The following RPA3 variants were observed in gnomAD, a reference collection of about 807,000 sequenced individuals.
RPA3 encodes the protein replication protein A 14 kDa subunit.
A neutral mutation model predicts 13.7 loss-of-function variants in RPA3; 24 were observed. The observed-to-expected ratio is 1.75, with a 90% CI of 1.27 to 2.46. The LOEUF is 2.46. Among genes scored for constraint, RPA3 ranks in the 30% most tolerant of loss-of-function variants. RPA3 has a pLI of 0.00. For missense variants in RPA3, 183 were observed against 151.0 expected, an observed-to-expected ratio of 1.21 and a Z score of -1.11; for synonymous variants, 59 against 51.2, an observed-to-expected ratio of 1.15 and a Z score of -0.65.
At chr7:7,718,148 T>A (rs1780964494) in intron 1 of RPA3, among the ~76,000 whole-genome samples, 1 of 152,216 alleles carries the variant, frequency 6.6e-6, no homozygotes, top group African/African-American at 2.4e-5. Context: ...AAACTGGTAT[T>A]AATTTGGGAA....
In RPA3 at chr7:7,698,114, A is replaced by G. The variant is rs114919479; in HGVS notation, c.-1027-10786T>C. On this transcript the variant is annotated intron_variant, in intron 2 of 7. Transcript: ENST00000223129. The stretch of plus-strand genomic sequence containing the variant: ...ATCAAATACTTACTAAATGCCCATG[A>G]GTTAGACACTGTGCTGACAGGCACT... Among the ~76,000 whole-genome samples, 367 of 152,334 alleles carry G rather than the reference A, an allele frequency of 2.4e-3. 2 individuals carry two copies. Among genetic ancestry groups the G allele is most frequent in the African/African-American group, 8.5e-3 (354 of 41,580 alleles).
In RPA3 at chr7:7,677,683, T is replaced by G. The variant is rs1411670181; in HGVS notation, c.-758+8147A>C. 9.0e-3 allele frequency among the ~76,000 whole-genome samples: 1,267 copies of G among 140,510 alleles called. 41 individuals are homozygous for G. The highest frequency in any genetic ancestry group is 0.03 in the African/African-American group (1,127 of 37,128). The allele number at this position is 140,510 out of a possible 152,430, so 92.2% of individuals were successfully genotyped here. A position where few individuals can be genotyped will look rare whatever the true frequency, so the allele number is the denominator to read the frequency against. On this transcript the variant is annotated intron_variant, in intron 4 of 7. Coordinates refer to ENST00000223129, the MANE Select transcript of RPA3 (RefSeq NM_002947.5). ...TTTTTTGTTTTTTTTTTTTTTTTTTTTTTTTTTTGAGACGGAGTCTCGCTC... is the reference window on the plus strand; with the variant it reads ...TTTTTTGTTTTTTTTTTTTTTTTTTGTTTTTTTTGAGACGGAGTCTCGCTC...
At chr7:7,670,493 C>T (rs973965635) in intron 4 of RPA3, among the ~76,000 whole-genome samples, 3 of 152,120 alleles carry the variant, frequency 2.0e-5, no homozygotes, top group African/African-American at 7.2e-5. Flanking sequence ...GGTAAACAGC[C>T]CTAACGATTC....
chr7:7,709,692 G>A (rs1293666355), intron 2 of RPA3, among the ~76,000 whole-genome samples: 1 of 152,158 alleles, frequency 6.6e-6, no homozygotes, highest in Non-Finnish European at 1.5e-5. Flanking sequence ...TTTACCTGCT[G>A]AGGGTAAGAT....
chr7:7,654,217 A>C (rs1785290587), intron 4 of RPA3, among the ~76,000 whole-genome samples: 1 of 152,246 alleles, frequency 6.6e-6, no homozygotes, highest in Non-Finnish European at 1.5e-5. Context: ...TCTCTAGTAG[A>C]TACTTTGAGG....
At chr7:7,662,427 C>T (rs931264253) in intron 4 of RPA3, among the ~76,000 whole-genome samples, 3 of 152,182 alleles carry the variant, frequency 2.0e-5, no homozygotes, top group Non-Finnish European at 2.9e-5. Context: ...GTGCTTAAAA[C>T]CCAGGTCCGT....
At chr7:7,698,000 C>G (rs1187849946) in intron 2 of RPA3, among the ~76,000 whole-genome samples, 1 of 152,142 alleles carries the variant, frequency 6.6e-6, no homozygotes, top group Non-Finnish European at 1.5e-5. Flanking sequence ...GACCCCACTA[C>G]TCATTTGATT....
intron 4 of RPA3, among the ~76,000 whole-genome samples, chr7:7,643,751 A>G (rs1278569322): frequency 7.7e-6 from 1 of 130,592 alleles, no homozygotes; most frequent in Non-Finnish European, 1.6e-5. Context: ...AAAAGGATCA[A>G]CGGTTAAATC....
chr7:7,636,824 A>G lies in RPA3; in HGVS notation c.*176T>C. On this transcript the variant is annotated 3_prime_UTR_variant, in exon 8 of 8. Coordinates refer to ENST00000223129, the MANE Select transcript of RPA3 (RefSeq NM_002947.5). Reference sequence around the variant, plus strand: ...TATTGGAGTAGCAATTCTTTATAAAAGGACTTCGGTGAGAACTGTCAATAT... The same window carrying G: ...TATTGGAGTAGCAATTCTTTATAAAGGGACTTCGGTGAGAACTGTCAATAT... The G allele has an allele frequency of 8.9e-6, 5 of 561,504 alleles. No homozygotes were observed. The highest frequency in any genetic ancestry group is 1.3e-5 in the Non-Finnish European group (4 of 318,850). The allele number at this position is 561,504 out of a possible 1,614,324, so 34.8% of individuals were successfully genotyped here. A position where few individuals can be genotyped will look rare whatever the true frequency, so the allele number is the denominator to read the frequency against.
intron 4 of RPA3, among the ~76,000 whole-genome samples, chr7:7,670,632 C>T (rs1481068510): frequency 6.6e-6 from 1 of 152,200 alleles, no homozygotes; most frequent in Non-Finnish European, 1.5e-5. Flanking sequence ...GCTCAAAGTT[C>T]AGTGCCTCTG....
At chr7:7,712,062 G>T (rs750123786) in intron 2 of RPA3, among the ~76,000 whole-genome samples, 1 of 151,664 alleles carries the variant, frequency 6.6e-6, no homozygotes, top group Non-Finnish European at 1.5e-5. Flanking sequence ...TAGTATCTTT[G>T]GTTCTCCTAC....
chr7:7,644,633 C>T (rs1482950106), intron 4 of RPA3, among the ~76,000 whole-genome samples: 3 of 152,112 alleles, frequency 2.0e-5, no homozygotes, highest in Non-Finnish European at 4.4e-5. Context: ...ACTGTATCAC[C>T]TTTTTGCCAC....
intron 2 of RPA3, among the ~76,000 whole-genome samples, chr7:7,703,755 C>T (rs114324949): frequency 0.018 from 2,810 of 152,150 alleles, 85 homozygotes; most frequent in African/African-American, 0.065. Flanking sequence ...GCCTGGGCAA[C>T]GTGGCGAAAC....
At chr7:7,639,000 C>T (rs561714133) in intron 6 of RPA3, 70 bp downstream of exon 6, 11 of 1,231,270 alleles carry the variant, frequency 8.9e-6, no homozygotes, top group Admixed American at 5.3e-5. Context: ...TTAGAAACAT[C>T]GGCAACAAAC....
intron 2 of RPA3, among the ~76,000 whole-genome samples, chr7:7,698,557 T>C (rs1034932652): frequency 2.0e-5 from 3 of 151,352 alleles, no homozygotes; most frequent in Non-Finnish European, 4.4e-5. Context: ...TTTTCTTTTC[T>C]TTTTTTTTGT....
intron 4 of RPA3, among the ~76,000 whole-genome samples, chr7:7,649,262 C>G (rs952473023): frequency 1.3e-5 from 2 of 151,878 alleles, no homozygotes; most frequent in Non-Finnish European, 2.9e-5. Flanking sequence ...GGACCCACAT[C>G]TGGCAGGGGC....
chr7:7,671,924 C>A (rs1055401047), intron 4 of RPA3, among the ~76,000 whole-genome samples: 1 of 152,022 alleles, frequency 6.6e-6, no homozygotes, highest in Non-Finnish European at 1.5e-5. Flanking sequence ...TTTTCTTCTC[C>A]ATTTTGAATT....
At position 7,640,637 on chromosome 7, in the gene RPA3, G is replaced by C. The variant is rs563363590; in HGVS notation, c.-219C>G. 28 of 553,870 alleles carry C rather than the reference G, an allele frequency of 5.1e-5. No individual in the cohort carries two copies. In the East Asian group the frequency reaches 8.8e-4, roughly 17 times the overall value. 34.3% of individuals were successfully genotyped at this position (553,870 alleles called of 1,614,324 possible). On this transcript the variant is annotated 5_prime_UTR_variant, in exon 5 of 8. Coordinates refer to ENST00000223129, the MANE Select transcript of RPA3 (RefSeq NM_002947.5). Reference sequence around the variant, plus strand: ...TCCGGAAGTGGAGATTGGCTGCTTAGTGACGCGCGGCGTCCCGGAAGTTGA... The same window carrying C: ...TCCGGAAGTGGAGATTGGCTGCTTACTGACGCGCGGCGTCCCGGAAGTTGA...
At chr7:7,657,628 G>T (rs1785374649) in intron 4 of RPA3, among the ~76,000 whole-genome samples, 1 of 152,060 alleles carries the variant, frequency 6.6e-6, no homozygotes. Flanking sequence ...TTGTAGATGT[G>T]TGGTATTATT....
Sources: allele counts gnomAD v4.1 joint callset (sites outside exome capture counted in the v4.1 genomes callset), GRCh38; gene constraint gnomAD v4.1.1; transcripts MANE v1.5; gene names NCBI Gene and HGNC (gene_info 2026-07-23, HGNC 2026-07-21).